Variants in RAD51B observed in about 807,000 individuals in gnomAD.
The protein encoded by RAD51B is DNA repair protein RAD51 homolog 2.
A neutral mutation model predicts 42.2 loss-of-function variants in RAD51B; 38 were observed. The ratio of observed to expected loss-of-function variants is 0.90; its 90% confidence interval spans 0.70 to 1.18. RAD51B has a LOEUF of 1.18. RAD51B is among the 50% of genes most tolerant of loss of function. RAD51B has a pLI of 0.00. For synonymous variants in RAD51B, 154 were observed against 145.2 expected (o/e 1.06, Z -0.43); for missense variants, 373 against 400.7 (o/e 0.93, Z 0.59).
At chr14:67,952,205 T>G (rs1277725734) in intron 7 of RAD51B, among the ~76,000 whole-genome samples, 1 of 140,782 alleles carries the variant, frequency 7.1e-6, no homozygotes, top group African/African-American at 3.0e-5. Context: ...GCTCACTGGC[T>G]TCATTTATAG....
intron 7 of RAD51B, among the ~76,000 whole-genome samples, chr14:68,072,041 A>ATATATATATAATTATATATATAAT (rs1371997655): frequency 7.8e-6 from 1 of 128,058 alleles, no homozygotes; most frequent in East Asian, 2.0e-4. Context: ...TAGATTTTAT[A>ATATATATATAATTATATATATAAT]TATATATATA....
In RAD51B at chr14:67,861,081, C is replaced by CGCTTGAGT. The variant is rs1464684263; in HGVS notation, c.316-3920_316-3913dup. The stretch of plus-strand genomic sequence containing the variant: ...GGTGATGTGTGCCTGTAGTTCCAGC[C>CGCTTGAGT]GCTTGAGTGGTGGAGGTGGGAGGAT... On this transcript the variant is annotated intron_variant, in intron 4 of 10. Coordinates refer to ENST00000471583, the MANE Select transcript of RAD51B (RefSeq NM_133510.4). 9.9e-5 allele frequency among the ~76,000 whole-genome samples: 15 copies of CGCTTGAGT among 151,980 alleles called. No homozygotes were observed. The East Asian group carries it at 2.9e-3, about 30-fold the overall frequency.
intron 7 of RAD51B, among the ~76,000 whole-genome samples, chr14:68,073,330 T>G (rs2076783434): frequency 6.6e-6 from 1 of 152,202 alleles, no homozygotes; most frequent in Admixed American, 6.5e-5. Context: ...TTGTCTGAAA[T>G]AAGAATAGCA....
intron 7 of RAD51B, among the ~76,000 whole-genome samples, chr14:68,222,205 A>G (rs1441624591): frequency 6.6e-6 from 1 of 152,244 alleles, no homozygotes; most frequent in Admixed American, 6.5e-5. Context: ...AAGTCATTAT[A>G]TAAAAAAGAT....
At chr14:68,471,229 G>A (rs996061856) in intron 10 of RAD51B, among the ~76,000 whole-genome samples, 1 of 152,290 alleles carries the variant, frequency 6.6e-6, no homozygotes, top group Middle Eastern at 3.4e-3. Context: ...AGCCACTGTG[G>A]CCGACATTCG....
At chr14:67,986,410 A>G (rs928642151) in intron 7 of RAD51B, among the ~76,000 whole-genome samples, 1 of 152,218 alleles carries the variant, frequency 6.6e-6, no homozygotes, top group South Asian at 2.1e-4. Flanking sequence ...TGGATACTCC[A>G]AAGTATAATA....
At chr14:68,511,743 C>A (rs1885743281) in intron 10 of RAD51B, among the ~76,000 whole-genome samples, 1 of 152,160 alleles carries the variant, frequency 6.6e-6, no homozygotes, top group African/African-American at 2.4e-5. Context: ...CTAGGCCAGG[C>A]TTTCATTTTA....
At chr14:68,128,873 A>C (rs1461632855) in intron 7 of RAD51B, among the ~76,000 whole-genome samples, 1 of 152,206 alleles carries the variant, frequency 6.6e-6, no homozygotes, top group African/African-American at 2.4e-5. Context: ...TTTTCATTGA[A>C]ATTAATTTTT....
At chr14:68,551,578 C>T (rs1283392064) in intron 10 of RAD51B, among the ~76,000 whole-genome samples, 1 of 152,220 alleles carries the variant, frequency 6.6e-6, no homozygotes, top group Non-Finnish European at 1.5e-5. Context: ...CTGACCAGCT[C>T]ACAGTATTTA....
chr14:67,931,723 G>A (rs1453198686), intron 7 of RAD51B, among the ~76,000 whole-genome samples: 4 of 151,704 alleles, frequency 2.6e-5, no homozygotes, highest in East Asian at 3.9e-4. Flanking sequence ...GGCTGGTCTC[G>A]ACCTCTTGAC....
At chr14:68,179,940 C>G (rs2079030559) in intron 7 of RAD51B, among the ~76,000 whole-genome samples, 1 of 152,166 alleles carries the variant, frequency 6.6e-6, no homozygotes, top group Admixed American at 6.5e-5. Flanking sequence ...GACTTCAAGA[C>G]AGTTGGGTCT....
chr14:68,320,552 C>T (rs2082139089), intron 8 of RAD51B, among the ~76,000 whole-genome samples: 1 of 152,232 alleles, frequency 6.6e-6, no homozygotes, highest in South Asian at 2.1e-4. Flanking sequence ...CTACTGCCTG[C>T]CAAAGGCAAG....
At chr14:68,523,757 G>A (rs750488894) in intron 10 of RAD51B, among the ~76,000 whole-genome samples, 1 of 152,182 alleles carries the variant, frequency 6.6e-6, no homozygotes, top group Non-Finnish European at 1.5e-5. Flanking sequence ...ATACACAAAG[G>A]TTTTGTATCC....
intron 7 of RAD51B, among the ~76,000 whole-genome samples, chr14:68,027,782 A>G (rs1367270702): frequency 6.6e-6 from 1 of 152,172 alleles, no homozygotes; most frequent in African/African-American, 2.4e-5. Flanking sequence ...TTTCTGCTGA[A>G]TCTAGATGAG....
intron 11 of RAD51B, among the ~76,000 whole-genome samples, chr14:68,657,518 T>C (rs1328304286): frequency 1.3e-5 from 2 of 152,206 alleles, no homozygotes; most frequent in African/African-American, 4.8e-5. Context: ...ATATACTAAG[T>C]GAGCCTGGTG....
At chr14:68,219,945 A>G (rs2079891712) in intron 7 of RAD51B, among the ~76,000 whole-genome samples, 1 of 152,194 alleles carries the variant, frequency 6.6e-6, no homozygotes, top group South Asian at 2.1e-4. Flanking sequence ...AATCAAAAAC[A>G]TGATACAGGA....
chr14:68,156,720 C>A (rs1353815485), intron 7 of RAD51B, among the ~76,000 whole-genome samples: 4 of 151,716 alleles, frequency 2.6e-5, no homozygotes, highest in Non-Finnish European at 5.9e-5. Flanking sequence ...TTTTATTATC[C>A]TTTTATTAAT....
intron 11 of RAD51B, among the ~76,000 whole-genome samples, chr14:68,680,185 A>T (rs536461105): frequency 2.0e-5 from 3 of 152,230 alleles, no homozygotes; most frequent in Admixed American, 1.3e-4. Context: ...TAGCACTTCC[A>T]TAAGTCTAGA....
intron 8 of RAD51B, among the ~76,000 whole-genome samples, chr14:68,309,482 G>T (rs558429953): frequency 5.3e-5 from 8 of 152,254 alleles, no homozygotes; most frequent in African/African-American, 1.9e-4. Context: ...TCACGGAGAG[G>T]TAGAGAAAAG....
Sources: gnomAD v4.1 joint callset for allele counts (sites outside exome capture counted in the v4.1 genomes callset) on GRCh38, gnomAD v4.1.1 for gene constraint, MANE v1.5 for transcripts, NCBI Gene and HGNC (gene_info 2026-07-23, HGNC 2026-07-21) for gene names.